CBFA2T3: variants seen among roughly 807,000 people sequenced by gnomAD.
CBFA2T3 encodes CBFA2/RUNX1 partner transcriptional co-repressor 3.
CBFA2T3 carries 31 observed loss-of-function variants against 58.6 expected under a neutral mutation model. The observed-to-expected ratio is 0.53, with a 90% confidence interval of 0.40 to 0.71. The LOEUF (loss-of-function observed/expected upper bound fraction) is 0.71. Among genes scored for constraint, CBFA2T3 ranks in the 30% least tolerant of loss-of-function variants. The pLI is 0.00. For missense variants in CBFA2T3, 1,076 were observed against 963.1 expected, an observed-to-expected ratio of 1.12 and a Z score of -1.55; for synonymous variants, 531 against 421.9, an observed-to-expected ratio of 1.26 and a Z score of -3.17.
At chr16:88,942,284 T>G (rs934874407) in intron 1 of CBFA2T3, among the ~76,000 whole-genome samples, 8 of 151,964 alleles carry the variant, frequency 5.3e-5, no homozygotes, top group African/African-American at 1.9e-4. Context: ...CCCTGTTTCC[T>G]GCCCCAACGC....
chr16:88,970,243 A>T (rs1395545745), intron 1 of CBFA2T3, among the ~76,000 whole-genome samples: 1 of 152,116 alleles, frequency 6.6e-6, no homozygotes, highest in Non-Finnish European at 1.5e-5. Flanking sequence ...GGGTGTCAGG[A>T]TGTGCTTGAT....
intron 1 of CBFA2T3, among the ~76,000 whole-genome samples, chr16:88,905,281 T>A (rs1456078029): frequency 6.6e-6 from 1 of 152,200 alleles, no homozygotes; most frequent in East Asian, 1.9e-4. Context: ...ACCCACTCCA[T>A]GACACCCATC....
intron 3 of CBFA2T3, among the ~76,000 whole-genome samples, chr16:88,893,517 G>A (rs971934179): frequency 3.3e-5 from 5 of 152,214 alleles, no homozygotes; most frequent in Non-Finnish European, 7.3e-5. Context: ...GGGTTCCAGG[G>A]GGCAGAGGAG....
At chr16:88,932,449 T>C (rs1262452779) in intron 1 of CBFA2T3, among the ~76,000 whole-genome samples, 3 of 145,476 alleles carry the variant, frequency 2.1e-5, no homozygotes, top group East Asian at 2.1e-4. Flanking sequence ...GCCTGGGCGA[T>C]GTAGCAAGAC....
At chr16:88,904,304 G>A (rs74750667) in intron 1 of CBFA2T3, among the ~76,000 whole-genome samples, 7,523 of 152,066 alleles carry the variant, frequency 0.049, 302 homozygotes, top group African/African-American at 0.11. Flanking sequence ...AGATATCGAC[G>A]ACTCATTGCA....
intron 1 of CBFA2T3, among the ~76,000 whole-genome samples, chr16:88,917,953 C>A (rs554086114): frequency 6.6e-6 from 1 of 152,120 alleles, no homozygotes; most frequent in Admixed American, 6.5e-5. Flanking sequence ...ACGGTGCAGG[C>A]GAAACCCACA....
chr16:88,889,495 G>GT (rs1291894636), intron 5 of CBFA2T3, among the ~76,000 whole-genome samples: 1 of 151,938 alleles, frequency 6.6e-6, no homozygotes, highest in Non-Finnish European at 1.5e-5. Context: ...GTCTGACCCT[G>GT]TAAGTGCCCT....
At chr16:88,962,907 G>A (rs567605479) in intron 1 of CBFA2T3, among the ~76,000 whole-genome samples, 5 of 152,312 alleles carry the variant, frequency 3.3e-5, no homozygotes, top group East Asian at 3.9e-4. Flanking sequence ...CCCACCCCGC[G>A]TGTCTGAAAA....
intron 1 of CBFA2T3, among the ~76,000 whole-genome samples, chr16:88,920,993 A>G (rs930605126): frequency 6.6e-6 from 1 of 152,210 alleles, no homozygotes; most frequent in Non-Finnish European, 1.5e-5. Flanking sequence ...GTTTAAAGAA[A>G]ACAGGCTGCT....
At chr16:88,944,552 G>A (rs1296549671) in intron 1 of CBFA2T3, among the ~76,000 whole-genome samples, 1 of 152,142 alleles carries the variant, frequency 6.6e-6, no homozygotes, top group African/African-American at 2.4e-5. Flanking sequence ...GCCCCACCCT[G>A]CTGCCCTCAG....
intron 5 of CBFA2T3, chr16:88,887,043 G>A (rs759442935): frequency 7.0e-6 from 1 of 143,522 alleles, no homozygotes; most frequent in Non-Finnish European, 1.6e-5. Flanking sequence ...AGGCGTGCTG[G>A]ACCCTGAGCA....
chr16:88,952,558 C>G (rs1022537690), intron 1 of CBFA2T3, among the ~76,000 whole-genome samples: 3 of 152,166 alleles, frequency 2.0e-5, no homozygotes, highest in Non-Finnish European at 4.4e-5. Context: ...GATAAAGTCT[C>G]AGCTCCTGAG....
Position 88,909,131 on chromosome 16 carries a change from G to A in CBFA2T3, c.152-7475C>T, listed in dbSNP as rs552676256. ...CCAGGCCTCTCCTGTTACTCCAGCC[G>A]AACCCTCATCCCAGGATGCCCCAAA... On this transcript the variant is annotated intron_variant, in intron 1 of 11. Transcript: ENST00000268679. 6.6e-5 allele frequency among the ~76,000 whole-genome samples: 10 copies of A among 152,332 alleles called. No individual in the cohort carries two copies. In the South Asian group the frequency reaches 1.0e-3, roughly 16 times the overall value.
chr16:88,950,982 C>G (rs1454403299), intron 1 of CBFA2T3: 1 of 437,238 alleles, frequency 2.3e-6, no homozygotes, highest in African/African-American at 2.4e-5. Flanking sequence ...AGAGTGTTGG[C>G]ACCTGTCTTC....
At chr16:88,962,645 T>C (rs1297925311) in intron 1 of CBFA2T3, among the ~76,000 whole-genome samples, 1 of 152,190 alleles carries the variant, frequency 6.6e-6, no homozygotes, top group African/African-American at 2.4e-5. Context: ...TGGACCACGT[T>C]TCGGGGGGAG....
intron 5 of CBFA2T3, among the ~76,000 whole-genome samples, chr16:88,890,942 G>C (rs949632986): frequency 5.3e-5 from 8 of 152,138 alleles, no homozygotes; most frequent in African/African-American, 1.9e-4. Context: ...TTGAACTCCT[G>C]GCCTCAAGCA....
At chr16:88,959,831 G>A (rs1972316639) in intron 1 of CBFA2T3, among the ~76,000 whole-genome samples, 2 of 152,178 alleles carry the variant, frequency 1.3e-5, no homozygotes, top group Non-Finnish European at 2.9e-5. Flanking sequence ...TTCGAGACCA[G>A]CCTAGCCAAC....
intron 1 of CBFA2T3, among the ~76,000 whole-genome samples, chr16:88,919,964 G>A (rs551101644): frequency 3.3e-5 from 5 of 152,370 alleles, no homozygotes; most frequent in African/African-American, 4.8e-5. Context: ...CGATTTACAA[G>A]TGCAGGCATA....
At chr16:88,895,654 G>A (rs145403687) in intron 3 of CBFA2T3, among the ~76,000 whole-genome samples, 5 of 152,158 alleles carry the variant, frequency 3.3e-5, no homozygotes, top group Non-Finnish European at 7.4e-5. Context: ...CTCCCCCGGG[G>A]CCCAGCGCTC....
Sources: allele counts gnomAD v4.1 joint callset (sites outside exome capture counted in the v4.1 genomes callset), GRCh38; gene constraint gnomAD v4.1.1; transcripts MANE v1.5; gene names NCBI Gene and HGNC (gene_info 2026-07-23, HGNC 2026-07-21).